TMEM108: variants seen among roughly 807,000 people sequenced by gnomAD.
TMEM108 encodes the protein transmembrane protein 108, also known as cancer/testis antigen 124.
A neutral mutation model predicts 35.1 loss-of-function variants in TMEM108; 12 were observed. The ratio of observed to expected loss-of-function variants is 0.34; its 90% CI spans 0.22 to 0.55. The LOEUF (loss-of-function observed/expected upper bound fraction) is 0.55. TMEM108 is among the 20% of genes least tolerant of loss of function. TMEM108 has a pLI of 0.89. For synonymous variants in TMEM108, 287 were observed against 308.6 expected, an observed-to-expected ratio of 0.93 and a Z score of 0.73; for missense variants, 680 against 753.3, an observed-to-expected ratio of 0.90 and a Z score of 1.14.
chr3:133,369,966 A>G (rs528856236), intron 3 of TMEM108, among the ~76,000 whole-genome samples: 1 of 152,176 alleles, frequency 6.6e-6, no homozygotes, highest in African/African-American at 2.4e-5. Context: ...TTAAAAATAT[A>G]TTTTTAAAAT....
At chr3:133,143,969 TTATTTTATTTTA>T (rs1944676865) in intron 2 of TMEM108, among the ~76,000 whole-genome samples, 1 of 150,882 alleles carries the variant, frequency 6.6e-6, no homozygotes, top group African/African-American at 2.5e-5. Flanking sequence ...TTATTTTATT[TTATTTTATTTTA>T]TTTTGCTTTG....
chr3:133,059,546 A>G (rs1382543221), intron 2 of TMEM108, among the ~76,000 whole-genome samples: 1 of 152,210 alleles, frequency 6.6e-6, no homozygotes, highest in Non-Finnish European at 1.5e-5. Flanking sequence ...AAAGGGCTTT[A>G]CTACTAGGAA....
chr3:133,296,809 G>C (rs1429143758), intron 3 of TMEM108, among the ~76,000 whole-genome samples: 2 of 152,190 alleles, frequency 1.3e-5, no homozygotes, highest in Non-Finnish European at 2.9e-5. Context: ...AATTAGGTTA[G>C]AATGCAAAGC....
intron 3 of TMEM108, among the ~76,000 whole-genome samples, chr3:133,338,334 G>T (rs1355898844): frequency 2.0e-5 from 3 of 151,950 alleles, no homozygotes; most frequent in African/African-American, 7.2e-5. Context: ...AACATAAAAT[G>T]AAGGTACAGT....
chr3:133,346,699 G>T lies in TMEM108; in HGVS notation c.41-33053G>T, dbSNP rs986817441. On this transcript the variant is annotated intron_variant, in intron 3 of 5. Transcript: ENST00000321871. This position sits in a 1 kb window ranked among gnomAD's most constrained non-coding sequence, Gnocchi z 4.0. ...TTTCATAGGCTTTGCTTTTTGTGTT[G>T]TATCTAAAAACTCATGAAACCCAAA... Among the ~76,000 whole-genome samples the T allele has an allele frequency of 6.6e-6, 1 of 151,708 alleles. No homozygotes were observed. The highest frequency in any genetic ancestry group is 1.5e-5 in the Non-Finnish European group (1 of 67,828).
At chr3:133,242,457 A>G (rs1034509530) in intron 3 of TMEM108, among the ~76,000 whole-genome samples, 4 of 152,238 alleles carry the variant, frequency 2.6e-5, no homozygotes, top group South Asian at 2.1e-4. Context: ...AGAGAAGGCT[A>G]CAACTGGCAG....
At chr3:133,344,442 A>T (rs2071754882) in intron 3 of TMEM108, among the ~76,000 whole-genome samples, 1 of 151,746 alleles carries the variant, frequency 6.6e-6, no homozygotes, top group African/African-American at 2.4e-5. Context: ...AGGAAAGAAG[A>T]TGCATTAGTA....
At chr3:133,093,679 C>T (rs1428915791) in intron 2 of TMEM108, among the ~76,000 whole-genome samples, 1 of 152,226 alleles carries the variant, frequency 6.6e-6, no homozygotes, top group Non-Finnish European at 1.5e-5. Flanking sequence ...ATTAATATGA[C>T]TTACTGGGTG....
intron 3 of TMEM108, among the ~76,000 whole-genome samples, chr3:133,249,397 A>G (rs1346986609): frequency 6.6e-6 from 1 of 152,196 alleles, no homozygotes; most frequent in African/African-American, 2.4e-5. Context: ...GGTTGAGGGG[A>G]AAAACGAGAG....
At chr3:133,181,023 A>C (rs1014793777) in intron 2 of TMEM108, among the ~76,000 whole-genome samples, 1 of 141,852 alleles carries the variant, frequency 7.0e-6, no homozygotes, top group Non-Finnish European at 1.5e-5. Flanking sequence ...AAAAAAAAAA[A>C]AAAAAAAAAA....
chr3:133,188,425 CTT>C (rs11391699), intron 2 of TMEM108, among the ~76,000 whole-genome samples: 6 of 143,064 alleles, frequency 4.2e-5, no homozygotes, highest in African/African-American at 7.7e-5. Context: ...TGTTTTGTTC[CTT>C]TTTTTTTTTT....
chr3:133,094,240 C>CA (rs1553732641), intron 2 of TMEM108, among the ~76,000 whole-genome samples: 7 of 110,966 alleles, frequency 6.3e-5, no homozygotes, highest in East Asian at 3.2e-4. Flanking sequence ...CCCACCCCCC[C>CA]CACACACACG....
At chr3:133,079,262 TG>T (rs1490424412) in intron 2 of TMEM108, among the ~76,000 whole-genome samples, 1 of 152,216 alleles carries the variant, frequency 6.6e-6, no homozygotes, top group African/African-American at 2.4e-5. Context: ...GTCCAGAGAA[TG>T]GGTCTTTCAA....
At chr3:133,162,876 G>C (rs1272946351) in intron 2 of TMEM108, among the ~76,000 whole-genome samples, 3 of 152,190 alleles carry the variant, frequency 2.0e-5, no homozygotes, top group Non-Finnish European at 4.4e-5. Context: ...GTTCCCAGCT[G>C]CATTCTGTTT....
At chr3:133,379,025 G>A (rs895613562) in intron 3 of TMEM108, among the ~76,000 whole-genome samples, 3 of 151,966 alleles carry the variant, frequency 2.0e-5, no homozygotes, top group African/African-American at 7.3e-5. Context: ...TCTAGACCCC[G>A]GTCCTCTTCT....
At chr3:133,078,882 A>G (rs1020834517) in intron 2 of TMEM108, among the ~76,000 whole-genome samples, 1 of 152,230 alleles carries the variant, frequency 6.6e-6, no homozygotes, top group Non-Finnish European at 1.5e-5. Flanking sequence ...TATCCAGCGA[A>G]TAGATATTGA....
Position 133,396,107 on chromosome 3 carries a change from T to A in TMEM108, c.*121T>A. Reference sequence around the variant, plus strand: ...GACTTAATGAGAAACATTTTCAGCTTTTTTTCCTATGAATTGTCAACATCT... The same window carrying A: ...GACTTAATGAGAAACATTTTCAGCTATTTTTCCTATGAATTGTCAACATCT... On this transcript the variant is annotated 3_prime_UTR_variant, in exon 6 of 6. Coordinates refer to ENST00000321871, the MANE Select transcript of TMEM108 (RefSeq NM_023943.4). 1.4e-6 allele frequency: 1 copy of A among 732,038 alleles called. No homozygotes were observed. The highest frequency in any genetic ancestry group is 1.8e-6 in the Non-Finnish European group (1 of 557,104). 45.3% of individuals were successfully genotyped at this position (732,038 alleles called of 1,614,324 possible). A position where few individuals can be genotyped will look rare whatever the true frequency, so the allele number is the denominator to read the frequency against.
chr3:133,384,049 T>C (rs1160464352), intron 4 of TMEM108, among the ~76,000 whole-genome samples: 1 of 152,176 alleles, frequency 6.6e-6, no homozygotes, highest in African/African-American at 2.4e-5. Flanking sequence ...TCAGGAACTA[T>C]CCTCATCTAT....
chr3:133,139,555 AG>A (rs1286985756), intron 2 of TMEM108, among the ~76,000 whole-genome samples: 2 of 152,228 alleles, frequency 1.3e-5, no homozygotes, highest in Non-Finnish European at 1.5e-5. Context: ...CCCAATGACT[AG>A]GGGAAAATCA....
Sources: allele counts gnomAD v4.1 joint callset (sites outside exome capture counted in the v4.1 genomes callset), GRCh38; gene constraint gnomAD v4.1.1; non-coding constraint Gnocchi (gnomAD v3.1); transcripts MANE v1.5; gene names NCBI Gene and HGNC (gene_info 2026-07-23, HGNC 2026-07-21).